Variants in MACROD2 observed in about 807,000 individuals in gnomAD.
MACROD2 encodes ADP-ribose glycohydrolase MACROD2.
A neutral mutation model predicts 70.4 loss-of-function variants in MACROD2; 36 were observed. The ratio of observed to expected loss-of-function variants is 0.51; its 90% CI spans 0.39 to 0.68. The LOEUF (loss-of-function observed/expected upper bound fraction) is 0.68. Among genes scored for constraint, MACROD2 ranks in the 30% least tolerant of loss-of-function variants. The pLI, the probability that MACROD2 is intolerant of heterozygous loss-of-function variation, is 0.00. For missense variants in MACROD2, 496 were observed against 538.4 expected, an observed-to-expected ratio of 0.92 and a Z score of 0.78; for synonymous variants, 172 against 178.8, an observed-to-expected ratio of 0.96 and a Z score of 0.30.
chr20:16,032,734 G>T (rs2067169077), intron 15 of MACROD2, among the ~76,000 whole-genome samples: 1 of 130,832 alleles, frequency 7.6e-6, no homozygotes. Context: ...AAGAAGGAGA[G>T]AAGAAGGGAA....
intron 3 of MACROD2, among the ~76,000 whole-genome samples, chr20:14,331,426 C>A (rs895206480): frequency 1.3e-5 from 2 of 152,066 alleles, no homozygotes; most frequent in African/African-American, 4.8e-5. Flanking sequence ...ATTTGCCATT[C>A]ATACAATAGT....
intron 8 of MACROD2, among the ~76,000 whole-genome samples, chr20:15,609,525 T>C (rs1472649811): frequency 1.3e-5 from 2 of 152,226 alleles, no homozygotes; most frequent in African/African-American, 4.8e-5. Flanking sequence ...CTGAGTTAAT[T>C]TGGAATACAG....
At chr20:14,934,058 T>G (rs2122686732) in intron 5 of MACROD2, 1 of 152,308 alleles carries the variant, frequency 6.6e-6, no homozygotes. Flanking sequence ...GAACCGGGAC[T>G]TAATTCCAGG....
intron 6 of MACROD2, among the ~76,000 whole-genome samples, chr20:15,273,646 A>G (rs2077365400): frequency 6.6e-6 from 1 of 152,134 alleles, no homozygotes; most frequent in Non-Finnish European, 1.5e-5. Context: ...GATGGAAGGG[A>G]CAGTATGGGT....
chr20:15,110,256 G>A (rs1230444387), intron 5 of MACROD2, among the ~76,000 whole-genome samples: 1 of 152,102 alleles, frequency 6.6e-6, no homozygotes, highest in Admixed American at 6.5e-5. Context: ...ATGAAGAAAT[G>A]AAATAGACCA....
chr20:14,239,144 T>G (rs1251307391), intron 3 of MACROD2, among the ~76,000 whole-genome samples: 2 of 151,858 alleles, frequency 1.3e-5, no homozygotes, highest in African/African-American at 4.8e-5. Flanking sequence ...GAGAATAAAG[T>G]ACTTAGGAAT....
intron 15 of MACROD2, among the ~76,000 whole-genome samples, chr20:16,029,643 T>G (rs890950294): frequency 4.6e-5 from 7 of 152,020 alleles, no homozygotes; most frequent in African/African-American, 1.7e-4. Flanking sequence ...TCAGAAATCA[T>G]CCTGAATAAG....
At chr20:15,750,631 A>C (rs912180897) in intron 8 of MACROD2, among the ~76,000 whole-genome samples, 1 of 152,054 alleles carries the variant, frequency 6.6e-6, no homozygotes, top group African/African-American at 2.4e-5. Context: ...TTCAAAGGAA[A>C]TGAAATCAGT....
intron 8 of MACROD2, among the ~76,000 whole-genome samples, chr20:15,533,896 C>T (rs2047838768): frequency 6.6e-6 from 1 of 152,106 alleles, no homozygotes; most frequent in Non-Finnish European, 1.5e-5. Context: ...AATGTGGTAC[C>T]TTGATGGGAG....
chr20:14,305,701 G>T (rs1253923918), intron 3 of MACROD2, among the ~76,000 whole-genome samples: 1 of 151,898 alleles, frequency 6.6e-6, no homozygotes, highest in East Asian at 1.9e-4. Context: ...TTTTTAAATT[G>T]CAGAAAAAAA....
At chr20:14,337,268 C>A in intron 3 of MACROD2, 1 of 244,020 alleles carries the variant, frequency 4.1e-6, no homozygotes, top group East Asian at 7.5e-5. Flanking sequence ...CTTGCACGCA[C>A]ATATATTGCT....
intron 5 of MACROD2, among the ~76,000 whole-genome samples, chr20:14,862,315 A>C (rs1185259623): frequency 8.1e-5 from 3 of 36,994 alleles, no homozygotes; most frequent in Non-Finnish European, 1.3e-4. Context: ...AAATATATGT[A>C]AATATATATA....
intron 3 of MACROD2, among the ~76,000 whole-genome samples, chr20:14,470,008 A>T (rs2084508382): frequency 6.6e-6 from 1 of 152,080 alleles, no homozygotes; most frequent in Admixed American, 6.5e-5. Context: ...GAGAAGAGGC[A>T]TTCTGGTTTT....
intron 2 of MACROD2, among the ~76,000 whole-genome samples, chr20:14,010,654 G>A (rs3955223): frequency 0.15 from 21,753 of 149,882 alleles, 1,770 homozygotes; most frequent in Admixed American, 0.21. Context: ...CACTGCATCT[G>A]GTATGTCTTC....
chr20:14,686,896 G>T (rs1019343847), intron 5 of MACROD2, among the ~76,000 whole-genome samples: 2 of 151,990 alleles, frequency 1.3e-5, no homozygotes, highest in African/African-American at 4.8e-5. Context: ...TGTGCCAAAT[G>T]GCTCTTCACT....
intron 8 of MACROD2, among the ~76,000 whole-genome samples, chr20:15,623,786 C>T (rs150424087): frequency 1.3e-5 from 2 of 152,184 alleles, no homozygotes; most frequent in Non-Finnish European, 2.9e-5. Flanking sequence ...TATCTATCAT[C>T]TATCTACTGT....
intron 5 of MACROD2, among the ~76,000 whole-genome samples, chr20:14,921,313 T>C (rs554350355): frequency 1.6e-4 from 25 of 152,328 alleles, no homozygotes; most frequent in African/African-American, 5.8e-4. Flanking sequence ...TGGCATGTGA[T>C]GTAATTTAAA....
At chr20:15,597,945 G>T (rs570867330) in intron 8 of MACROD2, among the ~76,000 whole-genome samples, 1 of 152,304 alleles carries the variant, frequency 6.6e-6, no homozygotes, top group South Asian at 2.1e-4. Flanking sequence ...CAGGCGTGGT[G>T]GTGGGTGCCT....
chr20:14,707,450 C>A (rs2071282956), intron 5 of MACROD2, among the ~76,000 whole-genome samples: 3 of 152,094 alleles, frequency 2.0e-5, no homozygotes, highest in Admixed American at 2.0e-4. Context: ...TTTCCATAAG[C>A]AGAGAACATT....
Sources: gnomAD v4.1 joint callset for allele counts (sites outside exome capture counted in the v4.1 genomes callset) on GRCh38, gnomAD v4.1.1 for gene constraint, MANE v1.5 for transcripts, NCBI Gene and HGNC (gene_info 2026-07-23, HGNC 2026-07-21) for gene names.